Variants in MACROD2 observed in about 807,000 individuals in gnomAD.
The protein encoded by MACROD2 is ADP-ribose glycohydrolase MACROD2.
MACROD2 carries 36 observed loss-of-function variants against 70.4 expected under a neutral mutation model. That is an observed-to-expected ratio of 0.51 (90% CI 0.39 to 0.68). The LOEUF is 0.68. Ranked by LOEUF, MACROD2 falls within the 30% of genes least tolerant of loss-of-function variation. MACROD2 has a pLI of 0.00. For missense variants in MACROD2, 496 were observed against 538.4 expected (o/e 0.92, Z 0.78); for synonymous variants, 172 against 178.8 (o/e 0.96, Z 0.30).
At chr20:15,561,196 A>G (rs1189035774) in intron 8 of MACROD2, among the ~76,000 whole-genome samples, 1 of 152,180 alleles carries the variant, frequency 6.6e-6, no homozygotes, top group Non-Finnish European at 1.5e-5. Context: ...CAATATCCTT[A>G]TTCTTCAAAG....
At chr20:15,137,874 A>T (rs1031521220) in intron 5 of MACROD2, among the ~76,000 whole-genome samples, 1 of 152,128 alleles carries the variant, frequency 6.6e-6, no homozygotes, top group African/African-American at 2.4e-5. Context: ...TTGGAAAAAG[A>T]TGGGGTTAGT....
rs1050563030 is a variant in MACROD2, at chr20:14,454,039, A to G, written c.272-39440A>G. ...ATAAAAATTCACATTCTTATTAGCAATGTATGATAGTGTCTATTTTACTGA... is the reference window on the plus strand; with the variant it reads ...ATAAAAATTCACATTCTTATTAGCAGTGTATGATAGTGTCTATTTTACTGA... On this transcript the variant is annotated intron_variant, in intron 3 of 17. Coordinates refer to ENST00000684519, the MANE Select transcript of MACROD2 (RefSeq NM_001351661.2). Among the ~76,000 whole-genome samples the G allele has an allele frequency of 7.9e-5, 12 of 152,026 alleles. 1 individual carries two copies. Among genetic ancestry groups the G allele is most frequent in the African/African-American group, 2.9e-4 (12 of 41,366 alleles).
intron 8 of MACROD2, among the ~76,000 whole-genome samples, chr20:15,505,655 C>G (rs139510236): frequency 3.3e-4 from 50 of 152,308 alleles, no homozygotes; most frequent in African/African-American, 1.1e-3. Flanking sequence ...CCTCCCTAGA[C>G]AGATCCCATT....
At chr20:15,061,752 T>C (rs2075534648) in intron 5 of MACROD2, among the ~76,000 whole-genome samples, 1 of 152,184 alleles carries the variant, frequency 6.6e-6, no homozygotes, top group Non-Finnish European at 1.5e-5. Flanking sequence ...CAAAGATGTC[T>C]GATGATAAAG....
chr20:14,790,791 C>T (rs956648425), intron 5 of MACROD2, among the ~76,000 whole-genome samples: 1 of 151,990 alleles, frequency 6.6e-6, no homozygotes, highest in African/African-American at 2.4e-5. Flanking sequence ...GAGTTTAGAC[C>T]ACAAACACTC....
chr20:15,912,474 T>G (rs1036597064), intron 10 of MACROD2, among the ~76,000 whole-genome samples: 1 of 152,226 alleles, frequency 6.6e-6, no homozygotes, highest in African/African-American at 2.4e-5. Context: ...AAGAGCCAGT[T>G]TATAGGTTTA....
chr20:14,899,597 A>G (rs2073872190), intron 5 of MACROD2, among the ~76,000 whole-genome samples: 2 of 152,122 alleles, frequency 1.3e-5, no homozygotes, highest in South Asian at 4.1e-4. Context: ...GTCATATTGG[A>G]CTAGGGTTTG....
intron 5 of MACROD2, among the ~76,000 whole-genome samples, chr20:15,024,942 A>G (rs1029993999): frequency 2.0e-5 from 3 of 152,144 alleles, no homozygotes; most frequent in Admixed American, 6.5e-5. Flanking sequence ...ATTTCCCCCC[A>G]CGAGGATGGG....
chr20:14,985,685 C>CTTTT (rs57486090), intron 5 of MACROD2, among the ~76,000 whole-genome samples: 1,523 of 115,320 alleles, frequency 0.013, 25 homozygotes, highest in African/African-American at 0.042. Context: ...TTCTCTTATT[C>CTTTT]TTTTTTTTTT....
chr20:15,933,369 T>A (rs1206081189), intron 11 of MACROD2, 31 bp downstream of exon 11: 3 of 1,603,068 alleles, frequency 1.9e-6, no homozygotes, highest in Non-Finnish European at 2.6e-6. Flanking sequence ...AGAAGTCACC[T>A]AGGCCTCATC....
At chr20:15,556,392 T>G (rs965663040) in intron 8 of MACROD2, among the ~76,000 whole-genome samples, 16 of 152,190 alleles carry the variant, frequency 1.1e-4, no homozygotes, top group Non-Finnish European at 1.5e-5. Context: ...TGGTTTTTTT[T>G]TTCCCAAAAT....
chr20:14,108,475 TAAA>T (rs371559271), intron 3 of MACROD2, among the ~76,000 whole-genome samples: 1 of 98,312 alleles, frequency 1.0e-5, no homozygotes. Flanking sequence ...GCTAAGTGGA[TAAA>T]AAAAAAAAAA....
chr20:14,577,957 A>G (rs891612820), intron 4 of MACROD2, among the ~76,000 whole-genome samples: 7 of 152,154 alleles, frequency 4.6e-5, no homozygotes, highest in African/African-American at 1.7e-4. Flanking sequence ...CACTTAGGCT[A>G]AATGACTGAA....
At chr20:14,867,749 A>G (rs2122409482) in intron 5 of MACROD2, among the ~76,000 whole-genome samples, 1 of 152,238 alleles carries the variant, frequency 6.6e-6, no homozygotes. Flanking sequence ...GAATGGCTTA[A>G]GCCTCCACAC....
rs552413554 is a variant in MACROD2 at position 14,827,280 on chromosome 20, GTAGT to G, written c.418+142326_418+142329del. ...TGGGATTTGGTTGTCAATCTACACA[GTAGT>G]TAGTCTCCTTTCACAGCGACCGCAT... On this transcript the variant is annotated intron_variant, in intron 5 of 17. Coordinates refer to ENST00000684519, the MANE Select transcript of MACROD2 (RefSeq NM_001351661.2). Among the ~76,000 whole-genome samples, 56 of 152,212 alleles carry G rather than the reference GTAGT, an allele frequency of 3.7e-4. 1 individual carries two copies. The highest frequency in any genetic ancestry group is 6.6e-4 in the Non-Finnish European group (45 of 67,994).
chr20:14,124,736 G>C (rs1229568124), intron 3 of MACROD2, among the ~76,000 whole-genome samples: 1 of 152,078 alleles, frequency 6.6e-6, no homozygotes, highest in Non-Finnish European at 1.5e-5. Flanking sequence ...AAACATTTTG[G>C]GGATTCCTCA....
At chr20:14,277,437 G>C (rs1048157892) in intron 3 of MACROD2, among the ~76,000 whole-genome samples, 1 of 152,172 alleles carries the variant, frequency 6.6e-6, no homozygotes, top group Non-Finnish European at 1.5e-5. Flanking sequence ...GTGAGACTCC[G>C]TCTCAAAGCA....
chr20:14,560,196 A>G (rs1209704140), intron 4 of MACROD2, among the ~76,000 whole-genome samples: 1 of 151,774 alleles, frequency 6.6e-6, no homozygotes, highest in Non-Finnish European at 1.5e-5. Context: ...TTAGGATTTC[A>G]TTAAAAAGAA....
At chr20:15,095,130 G>A (rs1255229812) in intron 5 of MACROD2, among the ~76,000 whole-genome samples, 1 of 137,452 alleles carries the variant, frequency 7.3e-6, no homozygotes, top group Non-Finnish European at 1.5e-5. Flanking sequence ...AGGCTGGAGT[G>A]CAGTGATGTG....
Sources: gnomAD v4.1 joint callset for allele counts (sites outside exome capture counted in the v4.1 genomes callset) on GRCh38, gnomAD v4.1.1 for gene constraint, MANE v1.5 for transcripts, NCBI Gene and HGNC (gene_info 2026-07-23, HGNC 2026-07-21) for gene names.